ZNF362: variants seen among roughly 807,000 people sequenced by gnomAD.
ZNF362 encodes zinc finger protein 362.
In ZNF362, 11 loss-of-function variants were observed where a neutral mutation model predicts 42.9. That is an observed-to-expected ratio of 0.26 (90% confidence interval 0.16 to 0.42). ZNF362 has a LOEUF of 0.42. Ranked by LOEUF, ZNF362 falls within the 20% of genes least tolerant of loss-of-function variation. The pLI is 1.00. For missense variants in ZNF362, 362 were observed against 576.2 expected (o/e 0.63, Z 3.81); for synonymous variants, 255 against 257.3 (o/e 0.99, Z 0.09).
chr1:33,287,010 G>C (rs978401831), intron 6 of ZNF362, among the ~76,000 whole-genome samples: 4 of 152,218 alleles, frequency 2.6e-5, no homozygotes, highest in Non-Finnish European at 4.4e-5. Context: ...GCGGTTGAGT[G>C]GCGTTGGAGC....
intron 1 of ZNF362, among the ~76,000 whole-genome samples, chr1:33,258,101 G>A (rs1030940008): frequency 1.2e-4 from 18 of 152,334 alleles, no homozygotes; most frequent in Admixed American, 3.3e-4. Flanking sequence ...GACCTCCTCG[G>A]TGTGAGCCTC....
the ZNF362 span, among the ~76,000 whole-genome samples, chr1:33,148,035 G>A: frequency 6.6e-6 from 1 of 152,222 alleles, no homozygotes; most frequent in Non-Finnish European, 1.5e-5. Flanking sequence ...TAACCAGAAT[G>A]AGGCCTAGAA....
the ZNF362 span, among the ~76,000 whole-genome samples, chr1:33,174,433 C>A: frequency 6.6e-6 from 1 of 152,170 alleles, no homozygotes; most frequent in Non-Finnish European, 1.5e-5. Flanking sequence ...ATCCTCTTGC[C>A]TTGACCTCTC....
At chr1:33,263,572 G>A (rs554805615) in intron 1 of ZNF362, among the ~76,000 whole-genome samples, 11 of 152,190 alleles carry the variant, frequency 7.2e-5, no homozygotes, top group African/African-American at 1.7e-4. Flanking sequence ...CACCACACCC[G>A]GCTAATCTTT....
At chr1:33,250,042 ATGGGCAGACAGTCATG>A in the ZNF362 span, among the ~76,000 whole-genome samples, 2 of 152,166 alleles carry the variant, frequency 1.3e-5, no homozygotes, top group South Asian at 4.1e-4. Context: ...AAAGAAGTGA[ATGGGCAGACAGTCATG>A]TGCTCATTCA....
upstream of ZNF362, among the ~76,000 whole-genome samples, chr1:33,255,594 T>G (rs1339585462): frequency 6.6e-5 from 10 of 150,578 alleles, no homozygotes; most frequent in Admixed American, 5.9e-4. Flanking sequence ...GGAGGAGGAG[T>G]CACACAGATG....
intron 4 of ZNF362, 26 bp downstream of exon 4, chr1:33,276,620 G>C (rs1208806228): frequency 1.5e-6 from 2 of 1,311,442 alleles, no homozygotes; most frequent in Non-Finnish European, 1.9e-6. Context: ...GGGGCCGGCG[G>C]GGCCGGTGAG....
chr1:33,183,388 A>C, the ZNF362 span, among the ~76,000 whole-genome samples: 1 of 152,244 alleles, frequency 6.6e-6, no homozygotes. Flanking sequence ...CAGAATCTCC[A>C]TCATTGCGAG....
rs151285764 is a variant in ZNF362 at position 33,289,126 on chromosome 1, G to T, written c.909-5811G>T. Among the ~76,000 whole-genome samples the T allele has an allele frequency of 2.0e-5, 3 of 152,098 alleles. No homozygotes were observed. The South Asian group carries it at 6.2e-4, about 31-fold the overall frequency. On this transcript the variant is annotated intron_variant, in intron 6 of 8. Coordinates refer to ENST00000539719, the MANE Select transcript of ZNF362 (RefSeq NM_152493.3). ...GAGGGAAGTAGGAGGTGGAGGTTGC[G>T]GGGGATCATCTGGGTTGAGTACAGA...
the ZNF362 span, among the ~76,000 whole-genome samples, chr1:33,197,747 C>A: frequency 6.6e-6 from 1 of 152,030 alleles, no homozygotes; most frequent in Non-Finnish European, 1.5e-5. Flanking sequence ...TAGAGTTTGC[C>A]GGGCAGAGTC....
At chr1:33,160,043 A>G in the ZNF362 span, 24 of 1,470,536 alleles carry the variant, frequency 1.6e-5, 1 homozygote, top group Admixed American at 4.8e-4. Flanking sequence ...CAGAGAGGAA[A>G]GGGTGGGAAA....
chr1:33,286,889 C>G (rs1646036873), intron 6 of ZNF362, among the ~76,000 whole-genome samples: 1 of 152,128 alleles, frequency 6.6e-6, no homozygotes, highest in South Asian at 2.1e-4. Flanking sequence ...AAGGTCATGT[C>G]CAAAACAGAG....
At chr1:33,202,401 C>G in the ZNF362 span, among the ~76,000 whole-genome samples, 1 of 152,012 alleles carries the variant, frequency 6.6e-6, no homozygotes, top group Non-Finnish European at 1.5e-5. Context: ...TTGAGATCAT[C>G]CTGGCTAACA....
At chr1:33,132,384 A>G in the ZNF362 span, among the ~76,000 whole-genome samples, 3 of 152,254 alleles carry the variant, frequency 2.0e-5, no homozygotes, top group African/African-American at 2.4e-5. Flanking sequence ...GAGACAATAC[A>G]TAAGTGATTG....
upstream of ZNF362, among the ~76,000 whole-genome samples, chr1:33,254,177 A>G (rs1465655980): frequency 6.6e-6 from 1 of 150,722 alleles, no homozygotes; most frequent in African/African-American, 2.4e-5. Context: ...CCCAGGCTGG[A>G]GTGCAGTGGC....
At chr1:33,292,927 A>T (rs1008682663) in intron 6 of ZNF362, among the ~76,000 whole-genome samples, 2 of 152,218 alleles carry the variant, frequency 1.3e-5, no homozygotes, top group African/African-American at 4.8e-5. Context: ...AACATGTGAC[A>T]TCCAGAAATG....
At chr1:33,289,133 C>T (rs1469800924) in intron 6 of ZNF362, among the ~76,000 whole-genome samples, 2 of 152,060 alleles carry the variant, frequency 1.3e-5, no homozygotes, top group Admixed American at 6.6e-5. Flanking sequence ...TGCGGGGGAT[C>T]ATCTGGGTTG....
chr1:33,168,790 GA>G, the ZNF362 span, among the ~76,000 whole-genome samples: 242 of 152,290 alleles, frequency 1.6e-3, 1 homozygote, highest in African/African-American at 5.7e-3. Context: ...CAGTGTGGCT[GA>G]GAGGCAGATG....
upstream of ZNF362, among the ~76,000 whole-genome samples, chr1:33,252,143 G>A (rs756828781): frequency 3.3e-5 from 5 of 152,150 alleles, no homozygotes; most frequent in African/African-American, 4.8e-5. Context: ...ACCTGAGGTC[G>A]GGAGTTTGAG....
Sources: allele counts gnomAD v4.1 joint callset (sites outside exome capture counted in the v4.1 genomes callset), GRCh38; gene constraint gnomAD v4.1.1; transcripts MANE v1.5; gene names NCBI Gene and HGNC (gene_info 2026-07-23, HGNC 2026-07-21).